URB2: variants seen among roughly 807,000 people sequenced by gnomAD.
URB2 encodes the protein unhealthy ribosome biogenesis protein 2 homolog.
Under a neutral mutation model 120.9 loss-of-function variants are expected in URB2, and 86 were observed. That is an observed-to-expected ratio of 0.71 (90% CI 0.60 to 0.85). The LOEUF is 0.85. Among genes scored for constraint, URB2 ranks in the 40% least tolerant of loss-of-function variants. URB2 has a pLI of 0.00. For missense variants in URB2, 1,765 were observed against 1,836.5 expected (o/e 0.96, Z 0.71); for synonymous variants, 755 against 758.4 (o/e 1.00, Z 0.07).
chr1:229,632,428 C>G lies in URB2; in HGVS notation c.286C>G (p.Gln96Glu). Reference sequence around the variant, plus strand: ...CAAGAATGGAAAGACCATTAATCTTCAGATTTCCCTAGTCAAGGTAATTCA... The same window carrying G: ...CAAGAATGGAAAGACCATTAATCTTGAGATTTCCCTAGTCAAGGTAATTCA... ...LLKNGKTINL[Q>E]ISLVKIINER... Residue 96 changes from glutamine (Q) to glutamate (E), a missense_variant, in exon 3 of 10, where the codon CAG (glutamine) becomes GAG (glutamate). Transcript: ENST00000258243. 1.3e-6 allele frequency: 2 copies of G among 1,562,548 alleles called. No individual in the cohort carries two copies. The highest frequency in any genetic ancestry group is 1.7e-6 in the Non-Finnish European group (2 of 1,162,626).
intron 9 of URB2, among the ~76,000 whole-genome samples, chr1:229,655,641 G>C (rs1325308424): frequency 6.6e-6 from 1 of 152,204 alleles, no homozygotes; most frequent in Non-Finnish European, 1.5e-5. Context: ...AATCTATGCT[G>C]TATAAATCTT....
At chr1:229,643,472 G>C in intron 4 of URB2, 61 bp from the exon 5 acceptor site, 1 of 1,596,684 alleles carries the variant, frequency 6.3e-7, no homozygotes, top group Admixed American at 1.7e-5. Context: ...TCATCCTATG[G>C]CTACTTGGTA....
chr1:229,659,102 G>T lies in URB2; in HGVS notation c.4380G>T (p.Val1460=). ...CAGAGGTTTGCCTTTTTCCTCAGGT[G>T]ACCTTATATCCAGCTGTGAAAAGTC... The part of the protein sequence containing the change: ...VAQYVLEVQK[V]TLYPAVKSLL... The change falls in exon 10 of 10, where the codon GTG becomes GTT. Residue 1460 remains valine, a splice_region_variant and synonymous_variant. Transcript: ENST00000258243. 2 of 1,610,050 alleles carry T rather than the reference G, an allele frequency of 1.2e-6. No homozygotes were observed. The highest frequency in any genetic ancestry group is 1.1e-5 in the South Asian group (1 of 90,902).
chr1:229,640,469 G>A (rs1343894904), intron 4 of URB2, among the ~76,000 whole-genome samples: 1 of 152,150 alleles, frequency 6.6e-6, no homozygotes, highest in Non-Finnish European at 1.5e-5. Flanking sequence ...GGTAACGAAA[G>A]GGCTGGGGTC....
chr1:229,636,840 A>G lies in URB2; in HGVS notation c.2227A>G (p.Ile743Val), dbSNP rs181237749. ...LTYPVAHWHLIVSNLTILISY... is the reference protein window; with the variant it reads ...LTYPVAHWHLVVSNLTILISY... ...ATACCCTGTAGCACACTGGCACTTG[A>G]TTGTGTCAAATCTCACAATTTTAAT... Residue 743 changes from isoleucine to valine, a missense_variant, in exon 4 of 10, where the codon ATT (isoleucine) becomes GTT (valine). Physicochemically the swap from Ile to Val is conservative, Grantham distance 29. Transcript: ENST00000258243. 7.5e-5 allele frequency: 121 copies of G among 1,611,428 alleles called. 1 individual carries two copies. The Admixed American group carries it at 1.6e-3, about 21-fold the overall frequency.
In URB2 at chr1:229,636,963, G is replaced by A; in HGVS notation, c.2350G>A (p.Ala784Thr). The change falls in exon 4 of 10, where the codon GCA becomes ACA. Residue 784 changes from alanine (A) to threonine (T), a missense_variant. Physicochemically the swap from Ala to Thr is moderately conservative, Grantham distance 58. Coordinates refer to ENST00000258243, the MANE Select transcript of URB2 (RefSeq NM_014777.4). ...CCAGGAAGTCTCAATAGATGAAGAG[G>A]CATACATCACACTGGAAAAAATATC... ...KAQEVSIDEE[A>T]YITLEKISKA... 6.2e-7 allele frequency: 1 copy of A among 1,614,112 alleles called. No homozygotes were observed.
chr1:229,631,484 T>G (rs1665665612), intron 2 of URB2, among the ~76,000 whole-genome samples: 2 of 152,366 alleles, frequency 1.3e-5, no homozygotes, highest in South Asian at 4.1e-4. Context: ...CATGCCTTCC[T>G]CACTAAGCTT....
intron 4 of URB2, among the ~76,000 whole-genome samples, chr1:229,643,325 C>G (rs1666058381): frequency 6.6e-6 from 1 of 151,976 alleles, no homozygotes; most frequent in Admixed American, 6.6e-5. Context: ...TGTGTGTACA[C>G]ACAATGCACA....
chr1:229,640,123 A>C (rs1665967365), intron 4 of URB2, among the ~76,000 whole-genome samples: 1 of 152,246 alleles, frequency 6.6e-6, no homozygotes, highest in Non-Finnish European at 1.5e-5. Flanking sequence ...ATTAACATGC[A>C]TTGTATTATT....
intron 1 of URB2, 41 bp from the exon 2 acceptor site, chr1:229,627,580 A>T (rs576321326): frequency 6.3e-7 from 1 of 1,592,740 alleles, no homozygotes; most frequent in African/African-American, 1.3e-5. Context: ...TCAGTCTGAC[A>T]TTGTTATAGT....
chr1:229,627,606 G>C lies in URB2; in HGVS notation c.-13-15G>C, dbSNP rs1486238834. On this transcript the variant is annotated splice_polypyrimidine_tract_variant and intron_variant, in intron 1 of 9. Transcript: ENST00000258243. ...TTGTTATAGTATTTTTTTTCCCATT[G>C]TTTTTAAATTTTAGATAAAGCCTAG... 3.1e-6 allele frequency: 5 copies of C among 1,596,180 alleles called. No individual in the cohort carries two copies. The East Asian group carries it at 1.1e-4, about 36-fold the overall frequency.
At position 229,647,707 on chromosome 1, in the gene URB2, G is replaced by A. The variant is rs371173047; in HGVS notation, c.4104G>A (p.Pro1368=). Residue 1368 remains proline (P), a synonymous_variant, in exon 7 of 10, where the codon CCG becomes CCA. Transcript: ENST00000258243. The part of the protein sequence containing the change: ...LKPLEYGSVF[P]RLHNVLFSIL... The stretch of plus-strand genomic sequence containing the variant: ...CGCTGGAGTATGGAAGCGTCTTCCC[G>A]AGGCTGCACAACGTGCTCTTCTCAA... The A allele has an allele frequency of 8.2e-5, 132 of 1,614,014 alleles. No individual in the cohort carries two copies. In the African/African-American group the frequency reaches 1.3e-3, roughly 16 times the overall value.
In URB2 at chr1:229,635,577, C is replaced by CT; in HGVS notation, c.966dup (p.Leu323SerfsTer73). Reference sequence around the variant, plus strand: ...TTCTTACTTTAAGGAGGGAAACCAGCTTCTCTGCTTCCAGGTTCTCCCCAG... The same window carrying CT: ...TTCTTACTTTAAGGAGGGAAACCAGCTTTCTCTGCTTCCAGGTTCTCCCCAG... On this transcript the variant is annotated frameshift_variant, in exon 4 of 10. Transcript: ENST00000258243. LOFTEE classifies it high-confidence loss of function. 1 of 1,614,124 alleles carries CT rather than the reference C, an allele frequency of 6.2e-7. No homozygotes were observed. Among genetic ancestry groups the CT allele is most frequent in the Non-Finnish European group, 8.5e-7 (1 of 1,180,034 alleles).
Position 229,636,326 on chromosome 1 carries a change from G to C in URB2, c.1713G>C (p.Met571Ile), listed in dbSNP as rs753094510. ...CCATTGTCAGACGGACACAGTGCAT[G>C]ATGGAGAGGATGATGAGGGAGCTCG... The part of the protein sequence containing the change: ...PLPIVRRTQC[M>I]MERMMRELVQ... The change falls in exon 4 of 10, where the codon ATG (methionine) becomes ATC (isoleucine). Residue 571 changes from methionine (M) to isoleucine (I), a missense_variant. Coordinates refer to ENST00000258243, the MANE Select transcript of URB2 (RefSeq NM_014777.4). The C allele has an allele frequency of 1.2e-6, 2 of 1,614,268 alleles. No individual in the cohort carries two copies. Among genetic ancestry groups the C allele is most frequent in the South Asian group, 2.2e-5 (2 of 91,090 alleles).
chr1:229,653,936 G>GTT (rs760894683), intron 8 of URB2, among the ~76,000 whole-genome samples: 764 of 60,148 alleles, frequency 0.013, 2 homozygotes, highest in East Asian at 0.016. Context: ...CCATCTTGGT[G>GTT]TTTTTTTTTT....
At position 229,651,309 on chromosome 1, in the gene URB2, G is replaced by A. The variant is rs1202436967; in HGVS notation, c.4224G>A (p.Arg1408=). 16 of 1,611,568 alleles carry A rather than the reference G, an allele frequency of 9.9e-6. No individual in the cohort carries two copies. Among genetic ancestry groups the A allele is most frequent in the Non-Finnish European group, 1.4e-5 (16 of 1,178,836 alleles). Residue 1408 remains arginine, a synonymous_variant, in exon 8 of 10, where the codon CGG becomes CGA. Transcript: ENST00000258243. ...TGTTTTCAGTTATGCGGGAAGGGCG[G>A]CAGAAGGACAAAGGTAATTTGGAGT... is the stretch of plus-strand genomic sequence containing the variant. ...RLVFSVMREG[R]QKDKGSIDDL...
intron 4 of URB2, 72 bp downstream of exon 4, chr1:229,638,319 G>T: frequency 6.8e-7 from 1 of 1,473,356 alleles, no homozygotes; most frequent in South Asian, 1.3e-5. Context: ...TTTTGGAACT[G>T]GGAATAAGTG....
intron 2 of URB2, among the ~76,000 whole-genome samples, chr1:229,630,864 C>T (rs1423805814): frequency 1.3e-5 from 2 of 151,910 alleles, no homozygotes; most frequent in African/African-American, 2.4e-5. Context: ...CACCTGTAAT[C>T]CCAGCTACTC....
At chr1:229,645,115 T>C (rs1383861531) in intron 5 of URB2, among the ~76,000 whole-genome samples, 3 of 151,952 alleles carry the variant, frequency 2.0e-5, no homozygotes, top group African/African-American at 7.3e-5. Flanking sequence ...TGAAACCCCG[T>C]CCCTGCTAAA....
Sources: allele counts gnomAD v4.1 joint callset (sites outside exome capture counted in the v4.1 genomes callset), GRCh38; gene constraint gnomAD v4.1.1; transcripts MANE v1.5; gene names NCBI Gene and HGNC (gene_info 2026-07-23, HGNC 2026-07-21).